The following MGAT4C variants were observed in gnomAD, a reference collection of about 807,000 sequenced individuals.
MGAT4C encodes the protein alpha-1,3-mannosyl-glycoprotein 4-beta-N-acetylglucosaminyltransferase C.
A neutral mutation model predicts 40.1 loss-of-function variants in MGAT4C; 19 were observed. That is an observed-to-expected ratio of 0.47 (90% CI 0.33 to 0.70). The LOEUF (loss-of-function observed/expected upper bound fraction) is 0.70, where lower values mean the gene tolerates loss of function less well. MGAT4C is among the 30% of genes least tolerant of loss of function. The pLI, the probability that MGAT4C is intolerant of heterozygous loss-of-function variation, is 0.02. For synonymous variants in MGAT4C, 181 were observed against 187.1 expected (o/e 0.97, Z 0.27); for missense variants, 491 against 563.2 (o/e 0.87, Z 1.30).
rs1349616273 is a variant in MGAT4C at position 85,956,740 on chromosome 12, C to T, written c.*22549G>A. On this transcript the variant is annotated 3_prime_UTR_variant, in exon 5 of 5. Transcript: ENST00000611864. ...AGCCCAAAGTCTATCCTCAACCAATCTAATCATGCACATGTGAAACAATAT... is the reference window on the plus strand; with the variant it reads ...AGCCCAAAGTCTATCCTCAACCAATTTAATCATGCACATGTGAAACAATAT... The T allele has an allele frequency of 6.6e-6, 1 of 152,152 alleles. No individual in the cohort carries two copies. Among genetic ancestry groups the T allele is most frequent in the Non-Finnish European group, 1.5e-5 (1 of 68,020 alleles). 9.4% of individuals were successfully genotyped at this position (152,152 alleles called of 1,614,324 possible). A position where few individuals can be genotyped will look rare whatever the true frequency, so the allele number is the denominator to read the frequency against.
At chr12:86,368,645 A>G (rs1260067466) in intron 3 of MGAT4C, among the ~76,000 whole-genome samples, 1 of 151,786 alleles carries the variant, frequency 6.6e-6, no homozygotes, top group Admixed American at 6.6e-5. Context: ...TTTTTGAGCC[A>G]ATGATTGTTC....
At chr12:86,745,342 CT>C (rs760419897) in intron 1 of MGAT4C, among the ~76,000 whole-genome samples, 1 of 151,590 alleles carries the variant, frequency 6.6e-6, no homozygotes, top group Non-Finnish European at 1.5e-5. Context: ...GAACAAATTT[CT>C]GTGTAATCAA....
intron 2 of MGAT4C, chr12:86,016,537 T>C (rs1410595584): frequency 2.0e-5 from 3 of 152,232 alleles, no homozygotes; most frequent in Non-Finnish European, 2.9e-5. Context: ...GAAAGTTCTG[T>C]TGGACTAACC....
chr12:86,152,568 C>T (rs963268047), intron 1 of MGAT4C, among the ~76,000 whole-genome samples: 2 of 152,198 alleles, frequency 1.3e-5, no homozygotes, highest in African/African-American at 2.4e-5. Flanking sequence ...CACATTCAAG[C>T]CACAGCACCC....
intron 2 of MGAT4C, among the ~76,000 whole-genome samples, chr12:86,010,975 C>G (rs143876545): frequency 3.9e-5 from 6 of 152,110 alleles, no homozygotes; most frequent in Non-Finnish European, 7.4e-5. Context: ...AGGCCCTCAC[C>G]AGAAGCCACC....
chr12:86,588,160 C>G (rs7485606), intron 2 of MGAT4C, among the ~76,000 whole-genome samples: 128,485 of 151,136 alleles, frequency 0.85, 55,136 homozygotes, highest in South Asian at 0.96. Flanking sequence ...TAGCATGAAG[C>G]ATTGTTGAAT....
chr12:86,620,444 T>C (rs1041847413), intron 2 of MGAT4C, among the ~76,000 whole-genome samples: 5 of 152,158 alleles, frequency 3.3e-5, no homozygotes, highest in African/African-American at 1.2e-4. Flanking sequence ...GCCATTATCT[T>C]ATAAGAAATA....
chr12:86,387,300 T>C (rs1956070300), intron 3 of MGAT4C, among the ~76,000 whole-genome samples: 1 of 152,108 alleles, frequency 6.6e-6, no homozygotes. Flanking sequence ...ATGTATAATA[T>C]TTGATATTGT....
chr12:86,655,674 A>G (rs1268630624), intron 2 of MGAT4C, among the ~76,000 whole-genome samples: 1 of 152,156 alleles, frequency 6.6e-6, no homozygotes, highest in Non-Finnish European at 1.5e-5. Flanking sequence ...ACAAAATATT[A>G]CATAACCTGC....
Position 86,708,363 on chromosome 12 carries a change from T to C in MGAT4C, c.-229+18846A>G, listed in dbSNP as rs569921669. Among the ~76,000 whole-genome samples, 6 of 152,296 alleles carry C rather than the reference T, an allele frequency of 3.9e-5. No homozygotes were observed. The South Asian group carries it at 6.2e-4, about 16-fold the overall frequency. ...CTCTGCTTAGATTTCAGAAGATTTA[T>C]GGAAATGCCTGGGGGTCCAGACAGA... On this transcript the variant is annotated intron_variant, in intron 2 of 7. Transcript: ENST00000548651.
chr12:86,464,262 G>A (rs1957644786), intron 2 of MGAT4C, among the ~76,000 whole-genome samples: 1 of 152,104 alleles, frequency 6.6e-6, no homozygotes. Context: ...TGAGTCTTTT[G>A]CTAATCTAAG....
intron 1 of MGAT4C, among the ~76,000 whole-genome samples, chr12:86,817,423 C>G (rs370756847): frequency 1.3e-5 from 2 of 151,264 alleles, no homozygotes; most frequent in Non-Finnish European, 3.0e-5. Context: ...TTGTTTCCTC[C>G]TATTTGGATG....
intron 2 of MGAT4C, among the ~76,000 whole-genome samples, chr12:86,683,121 A>C (rs891305712): frequency 2.0e-5 from 3 of 152,142 alleles, no homozygotes; most frequent in Admixed American, 6.6e-5. Flanking sequence ...GAAACATATG[A>C]TATCCCTGTG....
intron 2 of MGAT4C, among the ~76,000 whole-genome samples, chr12:86,449,539 G>A (rs1957390429): frequency 6.6e-6 from 1 of 152,016 alleles, no homozygotes; most frequent in Admixed American, 6.6e-5. Context: ...ATATTTCAAA[G>A]ATCGCAAAAG....
At chr12:86,650,077 T>G (rs1350843876) in intron 2 of MGAT4C, among the ~76,000 whole-genome samples, 1 of 151,900 alleles carries the variant, frequency 6.6e-6, no homozygotes, top group East Asian at 1.9e-4. Flanking sequence ...TAAACTTTAA[T>G]ATACTTTTTC....
At chr12:86,821,720 T>TA (rs1429141794) in intron 1 of MGAT4C, among the ~76,000 whole-genome samples, 1 of 150,950 alleles carries the variant, frequency 6.6e-6, no homozygotes, top group Non-Finnish European at 1.5e-5. Flanking sequence ...TGTTAAAAAA[T>TA]AAAAATATCA....
chr12:86,366,337 T>C (rs529676899), intron 3 of MGAT4C, among the ~76,000 whole-genome samples: 6 of 152,306 alleles, frequency 3.9e-5, no homozygotes, highest in African/African-American at 1.4e-4. Context: ...AAGAGAGAAA[T>C]TTTGACTTCG....
intron 1 of MGAT4C, among the ~76,000 whole-genome samples, chr12:86,076,521 G>C (rs1396348810): frequency 6.6e-6 from 1 of 152,144 alleles, no homozygotes; most frequent in Non-Finnish European, 1.5e-5. Flanking sequence ...TCATGCTGCT[G>C]ATAAAGACAT....
At chr12:86,026,121 G>A (rs911950113) in intron 2 of MGAT4C, among the ~76,000 whole-genome samples, 1 of 151,814 alleles carries the variant, frequency 6.6e-6, no homozygotes, top group Non-Finnish European at 1.5e-5. Context: ...AACAAAGTAA[G>A]TGTCCAAGTC....
Sources: gnomAD v4.1 joint callset for allele counts (sites outside exome capture counted in the v4.1 genomes callset) on GRCh38, gnomAD v4.1.1 for gene constraint, MANE v1.5 for transcripts, NCBI Gene and HGNC (gene_info 2026-07-23, HGNC 2026-07-21) for gene names.